The following PPP6R1 variants were observed in gnomAD, a reference collection of about 807,000 sequenced individuals.
PPP6R1 encodes protein phosphatase 6 regulatory subunit 1, also known as serine/threonine-protein phosphatase 6 regulatory subunit 1.
In PPP6R1, 39 loss-of-function variants were observed where a neutral mutation model predicts 104.6. The observed-to-expected ratio is 0.37, with a 90% CI of 0.29 to 0.49. The LOEUF is 0.49. Ranked by LOEUF, PPP6R1 falls within the 20% of genes least tolerant of loss-of-function variation. The pLI is 0.98. For synonymous variants in PPP6R1, 549 were observed against 479.0 expected (o/e 1.15, Z -1.91); for missense variants, 1,181 against 1,155.8 (o/e 1.02, Z -0.32).
rs533727984 is a variant in PPP6R1, at chr19:55,232,318, C to T, written c.1989-107G>A. The stretch of plus-strand genomic sequence containing the variant: ...GCCCAAGGAGAGCGGGCTGGGATGA[C>T]AGGCAGGTCACAGAAGGGTCCAGGG... On this transcript the variant is annotated intron_variant, in intron 17 of 23. Transcript: ENST00000412770. The T allele has an allele frequency of 2.2e-5, 32 of 1,439,472 alleles. No homozygotes were observed. In the Admixed American group the frequency reaches 6.8e-4, roughly 30 times the overall value. 89.2% of individuals were successfully genotyped at this position (1,439,472 alleles called of 1,614,324 possible).
In PPP6R1 at chr19:55,240,980, G is replaced by A. The variant is rs566465405; in HGVS notation, c.1261C>T (p.Pro421Ser). The change falls in exon 10 of 24, where the codon CCT becomes TCT. Residue 421 changes from proline (P) to serine (S), a missense_variant. Physicochemically the swap from Pro to Ser is moderately conservative, Grantham distance 74. Coordinates refer to ENST00000412770, the MANE Select transcript of PPP6R1 (RefSeq NM_014931.4). Reference sequence around the variant, plus strand: ...ACAGGGTTTTGGATGGGCGTCTCAGGGCTGCTGTCAGGAGGTGGCCCCAAG... The same window carrying A: ...ACAGGGTTTTGGATGGGCGTCTCAGAGCTGCTGTCAGGAGGTGGCCCCAAG... ...LSLGPPPDSS[P>S]ETPIQNPVVK... 1 of 1,602,104 alleles carries A rather than the reference G, an allele frequency of 6.2e-7. No individual in the cohort carries two copies. The highest frequency in any genetic ancestry group is 8.5e-7 in the Non-Finnish European group (1 of 1,174,786).
Position 55,240,066 on chromosome 19 carries a change from C to T in PPP6R1, c.1410G>A (p.Val470=). Reference sequence around the variant, plus strand: ...CCGTGTTCTGCACCAGGGCACCGGCCACTCTTGTCAGGTGACCCATGTAGC... The same window carrying T: ...CCGTGTTCTGCACCAGGGCACCGGCTACTCTTGTCAGGTGACCCATGTAGC... ...RKGYMGHLTR[V]AGALVQNTEK... The change falls in exon 12 of 24, where the codon GTG becomes GTA. Residue 470 remains valine, a synonymous_variant. Transcript: ENST00000412770. 6.2e-7 allele frequency: 1 copy of T among 1,602,488 alleles called. No homozygotes were observed. The highest frequency in any genetic ancestry group is 8.5e-7 in the Non-Finnish European group (1 of 1,175,880).
intron 1 of PPP6R1, 23 bp from the exon 2 acceptor site, chr19:55,247,132 C>A (rs545913677): frequency 6.2e-7 from 1 of 1,605,054 alleles, no homozygotes; most frequent in Non-Finnish European, 8.5e-7. Flanking sequence ...ACACAACCAG[C>A]GCCGCGTCAG....
At chr19:55,249,569 G>A (rs1176439554) in intron 1 of PPP6R1, among the ~76,000 whole-genome samples, 3 of 152,046 alleles carry the variant, frequency 2.0e-5, no homozygotes, top group Admixed American at 6.5e-5. Context: ...GGTTGGGTGT[G>A]GTGGCTCACG....
At chr19:55,252,113 G>T (rs2087558078) in intron 1 of PPP6R1, among the ~76,000 whole-genome samples, 1 of 152,198 alleles carries the variant, frequency 6.6e-6, no homozygotes, top group Admixed American at 6.5e-5. Flanking sequence ...GGAGCTGGCG[G>T]GGATTGGGCG....
chr19:55,257,535 C>T (rs189186073), intron 1 of PPP6R1, among the ~76,000 whole-genome samples: 24 of 152,282 alleles, frequency 1.6e-4, no homozygotes, highest in Non-Finnish European at 2.8e-4. Flanking sequence ...AGGACTCCGA[C>T]CTTCCTTCCT....
intron 1 of PPP6R1, among the ~76,000 whole-genome samples, chr19:55,252,136 G>A (rs556042971): frequency 3.3e-5 from 5 of 152,294 alleles, no homozygotes; most frequent in South Asian, 2.1e-4. Context: ...GTTCCTGAAA[G>A]GAAAGGGTGA....
intron 1 of PPP6R1, 99 bp from the exon 2 acceptor site, chr19:55,247,208 A>G (rs1421797381): frequency 3.2e-6 from 4 of 1,254,550 alleles, no homozygotes; most frequent in East Asian, 2.3e-5. Context: ...CCTTGGGCAC[A>G]GCCTCTCCCC....
At chr19:55,257,459 C>A (rs12983085) in intron 1 of PPP6R1, among the ~76,000 whole-genome samples, 63,917 of 152,066 alleles carry the variant, frequency 0.42, 14,159 homozygotes, top group Middle Eastern at 0.54. Flanking sequence ...AGGTCCCATT[C>A]GAGGCCTGGA....
chr19:55,241,095 G>T lies in PPP6R1; in HGVS notation c.1162-16C>A, dbSNP rs1019062349. 5 of 1,548,946 alleles carry T rather than the reference G, an allele frequency of 3.2e-6. No individual in the cohort carries two copies. Among genetic ancestry groups the T allele is most frequent in the African/African-American group, 1.4e-5 (1 of 72,960 alleles). The stretch of plus-strand genomic sequence containing the variant: ...AGAAGAGGTCCTATGGGAGGACACA[G>T]GATTGGTACCAGAGAGGCCCCGCCC... On this transcript the variant is annotated splice_polypyrimidine_tract_variant and intron_variant, in intron 9 of 23. Transcript: ENST00000412770. The surrounding 1 kb of genome is among the most constrained non-coding windows in gnomAD (Gnocchi z 5.4).
In PPP6R1 at chr19:55,231,883, G is replaced by A. The variant is rs772281298; in HGVS notation, c.2225C>T (p.Pro742Leu). ...EEELHTGPPA[P>L]QGPLSVPQGL... ...CTGGGGCACACTGAGGGGCCCCTGT[G>A]GGGCTGGAGGCCCAGTGTGCAGCTC... is the stretch of plus-strand genomic sequence containing the variant. The change falls in exon 19 of 24, where the codon CCA becomes CTA. Residue 742 changes from proline to leucine, a missense_variant. Pro to Leu is a moderately conservative substitution (Grantham distance 98, BLOSUM62 -3). Transcript: ENST00000412770. The A allele has an allele frequency of 2.0e-6, 3 of 1,508,950 alleles. No individual in the cohort carries two copies. The highest frequency in any genetic ancestry group is 2.3e-5 in the Admixed American group (1 of 44,044). The allele number at this position is 1,508,950 out of a possible 1,614,324, so 93.5% of individuals were successfully genotyped here.
At chr19:55,240,329 G>A (rs1289154432) in intron 10 of PPP6R1, 29 bp from the exon 11 acceptor site, 5 of 1,570,406 alleles carry the variant, frequency 3.2e-6, no homozygotes, top group Admixed American at 3.7e-5. Context: ...GGATGGCCTG[G>A]AGGGGTGGTC....
rs982703652 is a variant in PPP6R1, at chr19:55,246,883, C to T, written c.221G>A (p.Arg74His). The change falls in exon 2 of 24, where the codon CGC becomes CAC. Residue 74 changes from arginine (R) to histidine (H), a missense_variant. Coordinates refer to ENST00000412770, the MANE Select transcript of PPP6R1 (RefSeq NM_014931.4). ...EPPDSGEERLRYKYPSVACEI... is the reference protein window; with the variant it reads ...EPPDSGEERLHYKYPSVACEI... ...CAGGAGCTGGGGAACTCACTTGTAG[C>T]GCAGCCGCTCCTCACCGCTATCTGG... The T allele has an allele frequency of 1.1e-5, 18 of 1,595,584 alleles. No individual in the cohort carries two copies. The highest frequency in any genetic ancestry group is 2.7e-5 in the African/African-American group (2 of 74,640).
chr19:55,230,907 GC>G (rs1286099576), intron 21 of PPP6R1, 23 bp from the exon 22 acceptor site: 1 of 1,564,406 alleles, frequency 6.4e-7, no homozygotes, highest in Non-Finnish European at 8.7e-7. Flanking sequence ...GGCAGGTGCG[GC>G]TGTCAGCGTG....
At position 55,245,427 on chromosome 19, in the gene PPP6R1, G is replaced by C; in HGVS notation, c.415-25C>G. 2 of 1,612,972 alleles carry C rather than the reference G, an allele frequency of 1.2e-6. No individual in the cohort carries two copies. Among genetic ancestry groups the C allele is most frequent in the Non-Finnish European group, 1.7e-6 (2 of 1,179,554 alleles). On this transcript the variant is annotated intron_variant, in intron 3 of 23. Coordinates refer to ENST00000412770, the MANE Select transcript of PPP6R1 (RefSeq NM_014931.4). The surrounding 1 kb of genome is among the most constrained non-coding windows in gnomAD (Gnocchi z 6.4). ...GCTGGGGGCACACGGGCTGCGTCAT[G>C]CACAGGGCCTGGCCCAGCCACCACC...
Position 55,245,908 on chromosome 19 carries a change from C to A in PPP6R1, c.228-230G>T, listed in dbSNP as rs1289700619. 6.6e-6 allele frequency among the ~76,000 whole-genome samples: 1 copy of A among 152,150 alleles called. No homozygotes were observed. Among genetic ancestry groups the A allele is most frequent in the Non-Finnish European group, 1.5e-5 (1 of 68,028 alleles). ...ATCCCATCCTAGGCTCCTTACCACC[C>A]CCAAGACAAGCTGGTCCTGAAGCTC... On this transcript the variant is annotated intron_variant, in intron 2 of 23. Coordinates refer to ENST00000412770, the MANE Select transcript of PPP6R1 (RefSeq NM_014931.4). This position sits in a 1 kb window ranked among gnomAD's most constrained non-coding sequence, Gnocchi z 6.4.
intron 17 of PPP6R1, among the ~76,000 whole-genome samples, chr19:55,234,709 G>A (rs534812289): frequency 6.6e-5 from 10 of 152,172 alleles, no homozygotes; most frequent in Non-Finnish European, 1.3e-4. Context: ...CCTGTCAACT[G>A]CAGAACAAGC....
chr19:55,240,077 G>A lies in PPP6R1; in HGVS notation c.1399C>T (p.Leu467=). 1 of 1,600,880 alleles carries A rather than the reference G, an allele frequency of 6.2e-7. No homozygotes were observed. Among genetic ancestry groups the A allele is most frequent in the Non-Finnish European group, 8.5e-7 (1 of 1,175,016 alleles). ...ACCAGGGCACCGGCCACTCTTGTCA[G>A]GTGACCCATGTAGCCTTTCCGAGGG... The part of the protein sequence containing the change: ...GGPRKGYMGH[L]TRVAGALVQN... Residue 467 remains leucine, a synonymous_variant, in exon 12 of 24, where the codon CTG becomes TTG. Transcript: ENST00000412770.
chr19:55,247,269 C>G, intron 1 of PPP6R1, 160 bp from the exon 2 acceptor site: 1 of 695,402 alleles, frequency 1.4e-6, no homozygotes, highest in South Asian at 1.8e-5. Context: ...CCGGGACTGC[C>G]CGCAGGCTCA....
Sources: allele counts gnomAD v4.1 joint callset (sites outside exome capture counted in the v4.1 genomes callset), GRCh38; gene constraint gnomAD v4.1.1; non-coding constraint Gnocchi (gnomAD v3.1); transcripts MANE v1.5; gene names NCBI Gene and HGNC (gene_info 2026-07-23, HGNC 2026-07-21).